The following SLC2A9 variants were observed in gnomAD, a reference collection of about 807,000 sequenced individuals.
SLC2A9 encodes solute carrier family 2, facilitated glucose transporter member 9.
SLC2A9 carries 39 observed loss-of-function variants against 50.6 expected under a neutral mutation model. The ratio of observed to expected loss-of-function variants is 0.77; its 90% CI spans 0.60 to 1.01. The LOEUF is 1.01. Among genes scored for constraint, SLC2A9 ranks in the 50% least tolerant of loss-of-function variants. The probability of loss-of-function intolerance (pLI) is 0.00; values close to 1 mark genes in which losing one functional copy is unlikely to be tolerated. For synonymous variants in SLC2A9, 324 were observed against 276.9 expected (o/e 1.17, Z -1.69); for missense variants, 686 against 677.6 (o/e 1.01, Z -0.14).
intron 3 of SLC2A9, among the ~76,000 whole-genome samples, chr4:9,811,939 AT>A (rs1168581606): frequency 2.0e-5 from 3 of 152,182 alleles, no homozygotes; most frequent in African/African-American, 7.2e-5. Flanking sequence ...GAAAGATGTT[AT>A]TTGAGTCCCT....
chr4:10,006,924 G>A (rs1265526069), intron 2 of SLC2A9, among the ~76,000 whole-genome samples: 2 of 151,734 alleles, frequency 1.3e-5, no homozygotes, highest in Admixed American at 6.6e-5. Flanking sequence ...AGTCTCTAAT[G>A]AGTTTCCTTG....
Position 9,893,556 on chromosome 4 carries a change from C to G in SLC2A9, c.1114-2845G>C, listed in dbSNP as rs7684245. On this transcript the variant is annotated intron_variant, in intron 8 of 11. Transcript: ENST00000264784. Reference sequence around the variant, plus strand: ...AGAGATAGGGGGAGGCAGAGAGGGACGGAGGGAGAGAATGAGGGAGGGAGG... The same window carrying G: ...AGAGATAGGGGGAGGCAGAGAGGGAGGGAGGGAGAGAATGAGGGAGGGAGG... 1.7e-4 allele frequency among the ~76,000 whole-genome samples: 22 copies of G among 126,420 alleles called. No homozygotes were observed. The East Asian group carries it at 3.6e-3, about 21-fold the overall frequency. The allele number at this position is 126,420 out of a possible 152,430, so 82.9% of individuals were successfully genotyped here.
chr4:10,022,050 G>A (rs1041010595), upstream of SLC2A9, among the ~76,000 whole-genome samples: 4 of 152,090 alleles, frequency 2.6e-5, no homozygotes, highest in Non-Finnish European at 4.4e-5. Flanking sequence ...TGTTGGCCAG[G>A]CTGGTCTTGA....
chr4:10,001,947 G>A (rs1229847288), intron 2 of SLC2A9, among the ~76,000 whole-genome samples: 2 of 152,246 alleles, frequency 1.3e-5, no homozygotes, highest in African/African-American at 2.4e-5. Context: ...GCAGCTGGAA[G>A]TGGACATGTG....
At chr4:9,913,327 G>A (rs890074847) in intron 7 of SLC2A9, among the ~76,000 whole-genome samples, 1 of 130,252 alleles carries the variant, frequency 7.7e-6, no homozygotes, top group Admixed American at 8.4e-5. Context: ...GTGTGTGTGT[G>A]TGTGAGAGAG....
chr4:9,909,324 T>C (rs1486593116), intron 7 of SLC2A9, among the ~76,000 whole-genome samples: 1 of 152,154 alleles, frequency 6.6e-6, no homozygotes, highest in African/African-American at 2.4e-5. Context: ...ACACTTACAT[T>C]GAGTGTGTCC....
At chr4:9,821,267 T>C (rs1724361207), downstream of SLC2A9, among the ~76,000 whole-genome samples, 1 of 152,232 alleles carries the variant, frequency 6.6e-6, no homozygotes, top group Non-Finnish European at 1.5e-5. Context: ...TTTGCATTTC[T>C]CTACCTTGTT....
In SLC2A9 at chr4:9,958,459, C is replaced by A. The variant is rs570660386; in HGVS notation, c.682-16414G>T. ...GTTGAACAATGAGAACACATGGACA[C>A]AGGGAGGGGAACATCACACAATGGG... On this transcript the variant is annotated intron_variant, in intron 5 of 11. Coordinates refer to ENST00000264784, the MANE Select transcript of SLC2A9 (RefSeq NM_020041.3). Among the ~76,000 whole-genome samples, 3 of 152,194 alleles carry A rather than the reference C, an allele frequency of 2.0e-5. No homozygotes were observed. The East Asian group carries it at 5.8e-4, about 29-fold the overall frequency.
At chr4:9,775,133 G>C (rs1717382110), downstream of SLC2A9, among the ~76,000 whole-genome samples, 1 of 152,192 alleles carries the variant, frequency 6.6e-6, no homozygotes. Context: ...GAATGTCCAT[G>C]CCAGCTGGCT....
intron 5 of SLC2A9, among the ~76,000 whole-genome samples, chr4:9,966,219 G>A (rs6449176): frequency 0.48 from 73,535 of 152,020 alleles, 19,144 homozygotes; most frequent in African/African-American, 0.67. Context: ...TCATATGTAC[G>A]AAAGCCTTAA....
At chr4:9,782,723 A>G (rs1373356090) in intron 3 of SLC2A9, 1 of 1,613,992 alleles carries the variant, frequency 6.2e-7, no homozygotes, top group Non-Finnish European at 8.5e-7. Flanking sequence ...TTCCTCGCTC[A>G]TCAGCTTCTA....
At chr4:9,897,236 C>T (rs1420147069) in intron 8 of SLC2A9, among the ~76,000 whole-genome samples, 4 of 152,190 alleles carry the variant, frequency 2.6e-5, no homozygotes, top group African/African-American at 9.6e-5. Flanking sequence ...AGAATATGCA[C>T]ATGCTCCCAA....
chr4:9,999,296 A>G (rs780952526), intron 2 of SLC2A9, among the ~76,000 whole-genome samples: 1 of 152,092 alleles, frequency 6.6e-6, no homozygotes, highest in South Asian at 2.1e-4. Context: ...TCCTGGGCTC[A>G]TGCGATCCTC....
At chr4:10,004,000 T>C (rs1029234184) in intron 2 of SLC2A9, among the ~76,000 whole-genome samples, 2 of 152,166 alleles carry the variant, frequency 1.3e-5, no homozygotes, top group African/African-American at 4.8e-5. Flanking sequence ...CTCACACCAT[T>C]GGCATGCGAT....
intron 5 of SLC2A9, among the ~76,000 whole-genome samples, chr4:9,980,364 G>T (rs1472266332): frequency 1.3e-5 from 2 of 152,130 alleles, no homozygotes; most frequent in Non-Finnish European, 2.9e-5. Context: ...GATAATTACT[G>T]GGTGGGTGGA....
intron 10 of SLC2A9, among the ~76,000 whole-genome samples, chr4:9,866,971 C>T (rs528893519): frequency 2.0e-5 from 3 of 152,274 alleles, no homozygotes; most frequent in African/African-American, 7.2e-5. Flanking sequence ...ACTTTTGGAG[C>T]CTAGAATCTC....
In SLC2A9 at chr4:9,890,437, C is replaced by A. The variant is rs28489733; in HGVS notation, c.1215+173G>T. On this transcript the variant is annotated intron_variant, in intron 9 of 11. Coordinates refer to ENST00000264784, the MANE Select transcript of SLC2A9 (RefSeq NM_020041.3). ...CCCAGTCCAAGGACCCCTCACCAAA[C>A]CCTCTTCACTGAGACCCTCAGCAGC... is the stretch of plus-strand genomic sequence containing the variant. 0.072 allele frequency among the ~76,000 whole-genome samples: 11,018 copies of A among 152,206 alleles called. 946 individuals carry two copies. Among genetic ancestry groups the A allele is most frequent in the East Asian group, 0.25 (1,269 of 5,168 alleles).
rs1240949271 is a variant in SLC2A9, at chr4:10,006,526, C to G, written c.250-9585G>C. 5 of 152,214 alleles carry G rather than the reference C, an allele frequency of 3.3e-5. No individual in the cohort carries two copies. In the East Asian group the frequency reaches 9.6e-4, roughly 29 times the overall value. 9.4% of individuals were successfully genotyped at this position (152,214 alleles called of 1,614,324 possible). A position where few individuals can be genotyped will look rare whatever the true frequency, so the allele number is the denominator to read the frequency against. On this transcript the variant is annotated intron_variant, in intron 2 of 11. Coordinates refer to ENST00000264784, the MANE Select transcript of SLC2A9 (RefSeq NM_020041.3). ...GTCCAGAAGTCCTTAAAAAAGTACC[C>G]ATTGTTGAACCAGGCCCTCTGAAGT...
chr4:9,981,627 T>C (rs753145059), intron 4 of SLC2A9, among the ~76,000 whole-genome samples: 12 of 152,204 alleles, frequency 7.9e-5, no homozygotes, highest in Non-Finnish European at 1.3e-4. Context: ...ATCTTAGAAC[T>C]TGCACTTTTC....
Sources: allele counts gnomAD v4.1 joint callset (sites outside exome capture counted in the v4.1 genomes callset), GRCh38; gene constraint gnomAD v4.1.1; transcripts MANE v1.5; gene names NCBI Gene and HGNC (gene_info 2026-07-23, HGNC 2026-07-21).